IL1RAPL1: variants seen among roughly 807,000 people sequenced by gnomAD.
IL1RAPL1 encodes the protein interleukin-1 receptor accessory protein-like 1.
IL1RAPL1 carries 3 observed loss-of-function variants against 48.4 expected under a neutral mutation model. The observed-to-expected ratio is 0.06, with a 90% CI of 0.03 to 0.16. The LOEUF is 0.16. Among genes scored for constraint, IL1RAPL1 ranks in the 10% least tolerant of loss-of-function variants. IL1RAPL1 has a pLI of 1.00. For synonymous variants in IL1RAPL1, 185 were observed against 187.7 expected, an observed-to-expected ratio of 0.99 and a Z score of 0.12; for missense variants, 349 against 530.6, an observed-to-expected ratio of 0.66 and a Z score of 3.36.
At chrX:28,757,023 A>G (rs1318669211) in intron 1 of IL1RAPL1, among the ~76,000 whole-genome samples, 1 of 112,492 alleles carries the variant, frequency 8.9e-6, no homozygotes, top group Non-Finnish European at 1.9e-5. Context: ...ACTTTGCACA[A>G]TGCCTGGATT....
intron 5 of IL1RAPL1, among the ~76,000 whole-genome samples, chrX:29,573,296 G>A (rs754010068): frequency 8.9e-6 from 1 of 112,435 alleles, no homozygotes; most frequent in Non-Finnish European, 1.9e-5. Flanking sequence ...ACAAGAATAA[G>A]CTTGGATTTG....
At position 29,282,966 on chromosome X, in the gene IL1RAPL1, T is replaced by C; in HGVS notation, c.111T>C (p.Asp37=). 8.3e-7 allele frequency: 1 copy of C among 1,210,600 alleles called. No homozygotes were observed. The highest frequency in any genetic ancestry group is 3.0e-5 in the East Asian group (1 of 33,847). ...ATGGATGCACTGACTGGTCTATCGA[T>C]ATCAAGAAATATCAAGTTTTGGTGG... ...SADGCTDWSI[D]IKKYQVLVGE... is the part of the protein sequence containing the mutation. The change falls in exon 3 of 11, where the codon GAT becomes GAC. Residue 37 remains aspartate, a synonymous_variant. Transcript: ENST00000378993.
At chrX:29,195,649 T>C (rs1930429117) in intron 2 of IL1RAPL1, among the ~76,000 whole-genome samples, 1 of 98,537 alleles carries the variant, frequency 1.0e-5, no homozygotes, top group Non-Finnish European at 2.0e-5. Context: ...AACCTCCGCC[T>C]CCCGGGTTCA....
chrX:29,181,632 G>A (rs1260043169), intron 2 of IL1RAPL1, among the ~76,000 whole-genome samples: 3 of 111,684 alleles, frequency 2.7e-5, no homozygotes, highest in African/African-American at 9.8e-5. Flanking sequence ...TAGAGATACA[G>A]CAGTGAACCA....
intron 2 of IL1RAPL1, among the ~76,000 whole-genome samples, chrX:28,889,822 T>C (rs758006365): frequency 4.0e-4 from 45 of 111,224 alleles, no homozygotes; most frequent in African/African-American, 1.3e-3. Flanking sequence ...CCTTTTTTTT[T>C]CTTAGGCTAG....
intron 2 of IL1RAPL1, among the ~76,000 whole-genome samples, chrX:29,211,511 G>C (rs1312929348): frequency 9.0e-6 from 1 of 111,729 alleles, no homozygotes; most frequent in Non-Finnish European, 1.9e-5. Context: ...CTGCCCTCAG[G>C]AAGCATCAGA....
At chrX:28,764,392 CT>C (rs1936211377) in intron 1 of IL1RAPL1, among the ~76,000 whole-genome samples, 2 of 111,527 alleles carry the variant, frequency 1.8e-5, no homozygotes, top group African/African-American at 6.5e-5. Context: ...TCTTATGATG[CT>C]ATGCTAGAAT....
intron 6 of IL1RAPL1, among the ~76,000 whole-genome samples, chrX:29,701,893 G>T (rs1365361818): frequency 8.9e-6 from 1 of 111,786 alleles, no homozygotes; most frequent in African/African-American, 3.3e-5. Flanking sequence ...AGGAGTAAAA[G>T]AAAGCATGAG....
chrX:28,981,090 C>CAAAAAAAAAAAAAAAAAAAAAAAAA (rs57824632), intron 2 of IL1RAPL1, among the ~76,000 whole-genome samples: 1 of 24,306 alleles, frequency 4.1e-5, no homozygotes, highest in African/African-American at 2.1e-4. Flanking sequence ...GACCCTGTCT[C>CAAAAAAAAAAAAAAAAAAAAAAAAA]AAAAAAAAAA....
intron 1 of IL1RAPL1, among the ~76,000 whole-genome samples, chrX:28,670,958 A>G (rs1934941771): frequency 8.9e-6 from 1 of 112,144 alleles, no homozygotes; most frequent in Non-Finnish European, 1.9e-5. Flanking sequence ...AACATTGATT[A>G]AGTAAAATTA....
chrX:29,836,017 T>A (rs1930992648), intron 6 of IL1RAPL1, among the ~76,000 whole-genome samples: 1 of 108,762 alleles, frequency 9.2e-6, no homozygotes, highest in Non-Finnish European at 1.9e-5. Context: ...CTCTGATCTT[T>A]ATCATTCCCT....
At chrX:29,403,341 T>TGG (rs1195751941) in intron 5 of IL1RAPL1, among the ~76,000 whole-genome samples, 1 of 109,641 alleles carries the variant, frequency 9.1e-6, no homozygotes. Flanking sequence ...ATACTTATAT[T>TGG]GGGGTGTGTG....
intron 2 of IL1RAPL1, among the ~76,000 whole-genome samples, chrX:29,026,871 A>G (rs1360045603): frequency 1.8e-5 from 2 of 111,683 alleles, no homozygotes; most frequent in Admixed American, 1.9e-4. Flanking sequence ...TAGTTTTTGT[A>G]ATAGACTTTA....
chrX:28,636,564 A>G (rs1934467839), intron 1 of IL1RAPL1, among the ~76,000 whole-genome samples: 2 of 111,906 alleles, frequency 1.8e-5, no homozygotes, highest in Non-Finnish European at 3.8e-5. Flanking sequence ...GCTGTCCAGC[A>G]GTGCAGTGCA....
chrX:29,556,466 A>C (rs1274158971), intron 5 of IL1RAPL1, among the ~76,000 whole-genome samples: 1 of 110,520 alleles, frequency 9.0e-6, no homozygotes, highest in Non-Finnish European at 1.9e-5. Flanking sequence ...TAACCAACAT[A>C]GTGAAACCCT....
At chrX:29,749,264 C>T (rs1425047248) in intron 6 of IL1RAPL1, among the ~76,000 whole-genome samples, 1 of 111,905 alleles carries the variant, frequency 8.9e-6, no homozygotes, top group Non-Finnish European at 1.9e-5. Context: ...GGTCAAAGTA[C>T]AATTTAAGCT....
intron 5 of IL1RAPL1, among the ~76,000 whole-genome samples, chrX:29,523,678 C>T (rs1186959586): frequency 9.0e-6 from 1 of 110,938 alleles, no homozygotes; most frequent in Non-Finnish European, 1.9e-5. Context: ...TAGTAAATCA[C>T]GTTTGAATCC....
At chrX:29,614,560 T>TTA (rs1924219048) in intron 5 of IL1RAPL1, among the ~76,000 whole-genome samples, 2 of 112,031 alleles carry the variant, frequency 1.8e-5, no homozygotes, top group African/African-American at 6.5e-5. Context: ...TAACATTCTG[T>TTA]CTTTAGTTAA....
intron 2 of IL1RAPL1, among the ~76,000 whole-genome samples, chrX:28,977,583 C>T (rs1371400856): frequency 1.8e-5 from 2 of 112,336 alleles, no homozygotes; most frequent in African/African-American, 6.5e-5. Context: ...CAGATCCAAA[C>T]CATATCAGCA....
Sources: allele counts gnomAD v4.1 joint callset (sites outside exome capture counted in the v4.1 genomes callset), GRCh38; gene constraint gnomAD v4.1.1; transcripts MANE v1.5; gene names NCBI Gene and HGNC (gene_info 2026-07-23, HGNC 2026-07-21).